TGIF1: variants seen among roughly 807,000 people sequenced by gnomAD.
TGIF1 encodes the protein homeobox protein TGIF1.
In TGIF1, 4 loss-of-function variants were observed where a neutral mutation model predicts 19.3. The ratio of observed to expected loss-of-function variants is 0.21; its 90% confidence interval spans 0.10 to 0.47. TGIF1 has a LOEUF of 0.47. TGIF1 is among the 20% of genes least tolerant of loss of function. TGIF1 has a pLI of 0.98. For missense variants in TGIF1, 275 were observed against 341.4 expected (o/e 0.81, Z 1.53); for synonymous variants, 122 against 129.3 (o/e 0.94, Z 0.38).
chr18:3,451,738 T>C lies in TGIF1; in HGVS notation c.16+1233T>C. On this transcript the variant is annotated intron_variant, in intron 1 of 2. Coordinates refer to ENST00000343820, the MANE Select transcript of TGIF1 (RefSeq NM_003244.4). The surrounding 1 kb of genome is among the most constrained non-coding windows in gnomAD (Gnocchi z 5.4). ...CCAGGCTTTCCCAGCGAGAGTGAAA[T>C]TAAACTTGAAACTCGGATCAACTGG... 8.0e-7 allele frequency: 1 copy of C among 1,242,594 alleles called. No homozygotes were observed. The highest frequency in any genetic ancestry group is 1.0e-6 in the Non-Finnish European group (1 of 994,238). The allele number at this position is 1,242,594 out of a possible 1,614,324, so 77.0% of individuals were successfully genotyped here. A position where few individuals can be genotyped will look rare whatever the true frequency, so the allele number is the denominator to read the frequency against.
intron 2 of TGIF1, among the ~76,000 whole-genome samples, chr18:3,429,444 G>C (rs946886644): frequency 1.3e-5 from 2 of 151,812 alleles, no homozygotes; most frequent in Non-Finnish European, 2.9e-5. Context: ...AGTGAAGTAA[G>C]CCTAACATTC....
In TGIF1 at chr18:3,450,445, C is replaced by G; in HGVS notation, c.-45C>G. ...ATCCCCTGTGTCCCCGCTCCTGGCC[C>G]CTCCAGACCCCCGCCTTGCCTCGCG... On this transcript the variant is annotated 5_prime_UTR_variant, in exon 1 of 3. Transcript: ENST00000343820. 1 of 1,553,228 alleles carries G rather than the reference C, an allele frequency of 6.4e-7. No homozygotes were observed. Among genetic ancestry groups the G allele is most frequent in the Non-Finnish European group, 8.7e-7 (1 of 1,148,120 alleles).
chr18:3,445,759 G>GAA (rs2082735951), upstream of TGIF1, among the ~76,000 whole-genome samples: 2 of 31,532 alleles, frequency 6.3e-5, no homozygotes, highest in Non-Finnish European at 4.9e-5. Context: ...AAAAAGAGAA[G>GAA]AAAAGCAAAA....
At chr18:3,436,875 T>C (rs548183563) in intron 2 of TGIF1, among the ~76,000 whole-genome samples, 10 of 149,554 alleles carry the variant, frequency 6.7e-5, no homozygotes, top group Admixed American at 2.0e-4. Flanking sequence ...GAGGCCGAGG[T>C]GGGTGGATCA....
intron 2 of TGIF1, among the ~76,000 whole-genome samples, chr18:3,424,615 C>T (rs1341711899): frequency 6.6e-6 from 1 of 152,138 alleles, no homozygotes; most frequent in Non-Finnish European, 1.5e-5. Flanking sequence ...ACTGGATAGC[C>T]CCAGGATAGT....
At chr18:3,429,544 T>A (rs1220858189) in intron 2 of TGIF1, among the ~76,000 whole-genome samples, 1 of 152,238 alleles carries the variant, frequency 6.6e-6, no homozygotes, top group African/African-American at 2.4e-5. Flanking sequence ...TCTCATCCGC[T>A]ACCATGGGCT....
At chr18:3,452,257 C>T (rs2082983737) in intron 1 of TGIF1, 1 of 1,609,380 alleles carries the variant, frequency 6.2e-7, no homozygotes, top group Non-Finnish European at 8.5e-7. Flanking sequence ...CAGCCGCGTG[C>T]CCTCTCCCCG....
In TGIF1 at chr18:3,457,723, A is replaced by G. The variant is rs1031952738; in HGVS notation, c.602A>G (p.Gln201Arg). The change falls in exon 3 of 3, where the codon CAG (glutamine) becomes CGG (arginine). Residue 201 changes from glutamine (Q) to arginine (R), a missense_variant. By Grantham distance (43) the Gln-to-Arg change is conservative (BLOSUM62 1). Transcript: ENST00000343820. This position sits in a 1 kb window ranked among gnomAD's most constrained non-coding sequence, Gnocchi z 4.9. ...SVGVGQNTDI[Q>R]QIAAKNFTDT... ...GGTGTGGGACAAAACACAGATATACAGCAGATAGCGGCCAAAAACTTCACA... is the reference window on the plus strand; with the variant it reads ...GGTGTGGGACAAAACACAGATATACGGCAGATAGCGGCCAAAAACTTCACA... The G allele has an allele frequency of 1.9e-6, 3 of 1,614,252 alleles. No individual in the cohort carries two copies. Among genetic ancestry groups the G allele is most frequent in the Non-Finnish European group, 1.7e-6 (2 of 1,180,046 alleles).
rs1423043834 is a variant in TGIF1 at position 3,459,795 on chromosome 18, G to C, written c.*1855G>C. The C allele has an allele frequency of 6.6e-6, 1 of 152,138 alleles. No homozygotes were observed. The highest frequency in any genetic ancestry group is 2.4e-5 in the African/African-American group (1 of 41,430). 9.4% of individuals were successfully genotyped at this position (152,138 alleles called of 1,614,324 possible). On this transcript the variant is annotated 3_prime_UTR_variant, in exon 3 of 3. Transcript: ENST00000343820. ...TGTTTTACTTCATTTTTTCCCTATT[G>C]AGGTTGTTACAGGTCATGGTTGATA...
rs570806457 is a variant in TGIF1, at chr18:3,459,426, G to C, written c.*1486G>C. 6 of 152,334 alleles carry C rather than the reference G, an allele frequency of 3.9e-5. No individual in the cohort carries two copies. The highest frequency in any genetic ancestry group is 3.4e-3 in the Middle Eastern group (1 of 294). 9.4% of individuals were successfully genotyped at this position (152,334 alleles called of 1,614,324 possible). A position where few individuals can be genotyped will look rare whatever the true frequency, so the allele number is the denominator to read the frequency against. Reference sequence around the variant, plus strand: ...TTAGGTGAGGGAATGTTGTGCTCTAGCCTGTGGGGTGCAGCTTCGTAGGGC... The same window carrying C: ...TTAGGTGAGGGAATGTTGTGCTCTACCCTGTGGGGTGCAGCTTCGTAGGGC... On this transcript the variant is annotated 3_prime_UTR_variant, in exon 3 of 3. Transcript: ENST00000343820.
upstream of TGIF1, chr18:3,449,864 G>A: frequency 1.0e-6 from 1 of 985,428 alleles, no homozygotes; most frequent in Non-Finnish European, 1.2e-6. Flanking sequence ...ACGCACCCTC[G>A]CCAGCCCCGG....
upstream of TGIF1, chr18:3,450,168 T>G (rs935937222): frequency 2.2e-5 from 28 of 1,294,060 alleles, no homozygotes; most frequent in African/African-American, 4.1e-4. Context: ...TCCTCGCCTC[T>G]CTCACTCTGA....
At position 3,452,224 on chromosome 18, in the gene TGIF1, C is replaced by A. The variant is rs559432063; in HGVS notation, c.16+1719C>A. The A allele has an allele frequency of 2.5e-6, 4 of 1,593,394 alleles. No homozygotes were observed. The African/African-American group carries it at 5.4e-5, about 21-fold the overall frequency. ...CTCCTGGGGTCCTCCTGCGCCCCCC[C>A]TCCTCCACCGGCGCGCTGCCCACAG... On this transcript the variant is annotated intron_variant, in intron 1 of 2. Coordinates refer to ENST00000343820, the MANE Select transcript of TGIF1 (RefSeq NM_003244.4).
At chr18:3,447,638 T>TG (rs2082766019), upstream of TGIF1, 18 of 1,292,034 alleles carry the variant, frequency 1.4e-5, no homozygotes, top group Admixed American at 1.0e-4. Flanking sequence ...GCAGTGGGGG[T>TG]GCATCTACGG....
At chr18:3,420,479 C>T (rs2082386938) in intron 2 of TGIF1, among the ~76,000 whole-genome samples, 2 of 152,042 alleles carry the variant, frequency 1.3e-5, no homozygotes, top group African/African-American at 4.8e-5. Flanking sequence ...AAATAAACTA[C>T]AATTAAGGTA....
At chr18:3,431,534 C>T (rs1446634843) in intron 2 of TGIF1, among the ~76,000 whole-genome samples, 1 of 151,934 alleles carries the variant, frequency 6.6e-6, no homozygotes, top group Non-Finnish European at 1.5e-5. Flanking sequence ...TAAAGTAGGG[C>T]TCCACAAATC....
At chr18:3,422,693 T>TTG (rs1568029614) in intron 2 of TGIF1, among the ~76,000 whole-genome samples, 5 of 134,244 alleles carry the variant, frequency 3.7e-5, no homozygotes, top group African/African-American at 5.9e-5. Context: ...TTTTTTTTTT[T>TTG]TTTTTTTTTT....
At position 3,459,424 on chromosome 18, in the gene TGIF1, T is replaced by C. The variant is rs965437261; in HGVS notation, c.*1484T>C. 1 of 152,196 alleles carries C rather than the reference T, an allele frequency of 6.6e-6. No homozygotes were observed. Among genetic ancestry groups the C allele is most frequent in the African/African-American group, 2.4e-5 (1 of 41,462 alleles). 9.4% of individuals were successfully genotyped at this position (152,196 alleles called of 1,614,324 possible). A position where few individuals can be genotyped will look rare whatever the true frequency, so the allele number is the denominator to read the frequency against. Reference sequence around the variant, plus strand: ...AATTAGGTGAGGGAATGTTGTGCTCTAGCCTGTGGGGTGCAGCTTCGTAGG... The same window carrying C: ...AATTAGGTGAGGGAATGTTGTGCTCCAGCCTGTGGGGTGCAGCTTCGTAGG... On this transcript the variant is annotated 3_prime_UTR_variant, in exon 3 of 3. Transcript: ENST00000343820.
At chr18:3,442,498 G>A (rs2082688116) in intron 2 of TGIF1, among the ~76,000 whole-genome samples, 1 of 151,800 alleles carries the variant, frequency 6.6e-6, no homozygotes, top group South Asian at 2.1e-4. Flanking sequence ...GAGCTTTTAA[G>A]CTAATACAAA....
Sources: allele counts gnomAD v4.1 joint callset (sites outside exome capture counted in the v4.1 genomes callset), GRCh38; gene constraint gnomAD v4.1.1; non-coding constraint Gnocchi (gnomAD v3.1); transcripts MANE v1.5; gene names NCBI Gene and HGNC (gene_info 2026-07-23, HGNC 2026-07-21).